Variants in AFG1L observed in about 807,000 individuals in gnomAD.
AFG1L encodes the protein AFG1 like ATPase, also known as AFG1-like ATPase.
AFG1L carries 53 observed loss-of-function variants against 62.2 expected under a neutral mutation model. The ratio of observed to expected loss-of-function variants is 0.85; its 90% CI spans 0.68 to 1.07. AFG1L has a LOEUF of 1.07. Among genes scored for constraint, AFG1L ranks in the 50% least tolerant of loss-of-function variants. AFG1L has a pLI of 0.00. For synonymous variants in AFG1L, 228 were observed against 210.3 expected (o/e 1.08, Z -0.73); for missense variants, 555 against 590.5 (o/e 0.94, Z 0.62).
intron 10 of AFG1L, among the ~76,000 whole-genome samples, chr6:108,480,388 C>T (rs1773280201): frequency 6.6e-6 from 1 of 152,204 alleles, no homozygotes; most frequent in African/African-American, 2.4e-5. Context: ...AAGTTACCTT[C>T]CCAAGGTCAC....
At chr6:108,460,157 T>G (rs1772396602) in intron 8 of AFG1L, among the ~76,000 whole-genome samples, 1 of 152,164 alleles carries the variant, frequency 6.6e-6, no homozygotes, top group Admixed American at 6.5e-5. Flanking sequence ...TTGTTAGGTG[T>G]GATAGGGTAT....
intron 2 of AFG1L, among the ~76,000 whole-genome samples, chr6:108,338,663 A>G (rs1582398385): frequency 6.6e-6 from 1 of 152,132 alleles, no homozygotes; most frequent in East Asian, 1.9e-4. Flanking sequence ...TGGTCCTGTA[A>G]TTCAGTGTTT....
At chr6:108,409,166 A>C (rs1781993729) in intron 7 of AFG1L, among the ~76,000 whole-genome samples, 1 of 152,240 alleles carries the variant, frequency 6.6e-6, no homozygotes, top group African/African-American at 2.4e-5. Context: ...ATATCCCAAA[A>C]TGTTAATAGA....
At chr6:108,507,799 A>G (rs1348713296) in intron 10 of AFG1L, among the ~76,000 whole-genome samples, 1 of 152,132 alleles carries the variant, frequency 6.6e-6, no homozygotes, top group Non-Finnish European at 1.5e-5. Flanking sequence ...ACAACAAGAC[A>G]TGTATTTTGC....
chr6:108,389,766 T>G (rs1780963868), intron 6 of AFG1L, among the ~76,000 whole-genome samples: 1 of 152,214 alleles, frequency 6.6e-6, no homozygotes, highest in South Asian at 2.1e-4. Flanking sequence ...GTGATGGGCT[T>G]CCCTTTGTGG....
At chr6:108,363,654 C>T (rs1779632373) in intron 5 of AFG1L, among the ~76,000 whole-genome samples, 1 of 151,398 alleles carries the variant, frequency 6.6e-6, no homozygotes, top group African/African-American at 2.4e-5. Context: ...GTTATTTCTT[C>T]ATATCTCTTC....
In AFG1L at chr6:108,441,042, G is replaced by A. The variant is rs1348067001; in HGVS notation, c.808-6172G>A. On this transcript the variant is annotated intron_variant, in intron 7 of 12. Coordinates refer to ENST00000368977, the MANE Select transcript of AFG1L (RefSeq NM_145315.5). ...CATGTTCCAAATTTCTATGATAAGT[G>A]AAATTGCTTTTATAATAAAAAATGC... Among the ~76,000 whole-genome samples the A allele has an allele frequency of 3.9e-5, 6 of 152,236 alleles. No individual in the cohort carries two copies. In the East Asian group the frequency reaches 9.6e-4, roughly 24 times the overall value.
intron 2 of AFG1L, among the ~76,000 whole-genome samples, chr6:108,324,274 C>T (rs1292536639): frequency 3.3e-5 from 5 of 152,148 alleles, no homozygotes; most frequent in Admixed American, 2.0e-4. Flanking sequence ...AAAATGCAGT[C>T]CAGTCTAAAT....
intron 8 of AFG1L, among the ~76,000 whole-genome samples, chr6:108,462,102 GA>G (rs761796590): frequency 1.4e-5 from 2 of 148,110 alleles, no homozygotes; most frequent in Non-Finnish European, 3.0e-5. Flanking sequence ...CTCAAAAAAA[GA>G]AAAAAAAATC....
intron 7 of AFG1L, among the ~76,000 whole-genome samples, chr6:108,425,010 A>G (rs934707893): frequency 3.9e-5 from 6 of 152,312 alleles, no homozygotes; most frequent in Middle Eastern, 3.4e-3. Flanking sequence ...GAAAGAGCAG[A>G]GGAAGAAAGC....
chr6:108,322,478 A>AGAACCTGCTCACATGGCC (rs1262510101), intron 1 of AFG1L, among the ~76,000 whole-genome samples: 1 of 152,180 alleles, frequency 6.6e-6, no homozygotes, highest in Non-Finnish European at 1.5e-5. Flanking sequence ...TCCCATTGTT[A>AGAACCTGCTCACATGGCC]GAACCTGCTC....
At chr6:108,330,963 C>T (rs1778256528) in intron 2 of AFG1L, among the ~76,000 whole-genome samples, 1 of 152,076 alleles carries the variant, frequency 6.6e-6, no homozygotes, top group Non-Finnish European at 1.5e-5. Context: ...ATTTTATGAA[C>T]TTTGGATTTT....
intron 2 of AFG1L, among the ~76,000 whole-genome samples, chr6:108,338,700 T>A (rs1418870643): frequency 6.6e-6 from 1 of 152,144 alleles, no homozygotes; most frequent in East Asian, 1.9e-4. Flanking sequence ...TGGCTTCTTT[T>A]AAAATGAACA....
At chr6:108,333,207 C>T (rs184558762) in intron 2 of AFG1L, among the ~76,000 whole-genome samples, 1,875 of 151,370 alleles carry the variant, frequency 0.012, 33 homozygotes, top group African/African-American at 0.043. Context: ...GTCAGGAGTT[C>T]GAGACCAACC....
intron 6 of AFG1L, among the ~76,000 whole-genome samples, chr6:108,398,754 A>C (rs1781425116): frequency 6.6e-6 from 1 of 151,982 alleles, no homozygotes; most frequent in African/African-American, 2.4e-5. Context: ...AAATGTGTTC[A>C]CTGTAGGTAT....
intron 11 of AFG1L, among the ~76,000 whole-genome samples, chr6:108,512,814 C>G (rs1774708159): frequency 6.6e-6 from 1 of 152,056 alleles, no homozygotes; most frequent in Admixed American, 6.5e-5. Flanking sequence ...AGAGATTATA[C>G]TTTTTATTAA....
At chr6:108,431,010 G>C (rs1167386688) in intron 7 of AFG1L, among the ~76,000 whole-genome samples, 1 of 152,146 alleles carries the variant, frequency 6.6e-6, no homozygotes, top group Admixed American at 6.5e-5. Context: ...ATGCAAACTA[G>C]TACCTTAGAT....
chr6:108,296,444 C>G (rs962943536), intron 1 of AFG1L, among the ~76,000 whole-genome samples: 1 of 152,042 alleles, frequency 6.6e-6, no homozygotes, highest in African/African-American at 2.4e-5. Flanking sequence ...TTTTCTATCC[C>G]TATCCCTTAG....
chr6:108,342,558 T>C (rs1297938294), intron 2 of AFG1L, among the ~76,000 whole-genome samples: 1 of 152,146 alleles, frequency 6.6e-6, no homozygotes, highest in Non-Finnish European at 1.5e-5. Flanking sequence ...TTCAAAAACT[T>C]CTTTAGGACC....
Sources: allele counts gnomAD v4.1 joint callset (sites outside exome capture counted in the v4.1 genomes callset), GRCh38; gene constraint gnomAD v4.1.1; transcripts MANE v1.5; gene names NCBI Gene and HGNC (gene_info 2026-07-23, HGNC 2026-07-21).